RXFP1: variants seen among roughly 807,000 people sequenced by gnomAD.
RXFP1 encodes the protein relaxin receptor 1.
RXFP1 carries 73 observed loss-of-function variants against 89.8 expected under a neutral mutation model. The observed-to-expected ratio is 0.81, with a 90% confidence interval of 0.67 to 0.99. RXFP1 has a LOEUF of 0.99. Ranked by LOEUF, RXFP1 falls within the 50% of genes least tolerant of loss-of-function variation. RXFP1 has a pLI of 0.00. For missense variants in RXFP1, 793 were observed against 895.5 expected, an observed-to-expected ratio of 0.89 and a Z score of 1.46; for synonymous variants, 277 against 305.5, an observed-to-expected ratio of 0.91 and a Z score of 0.97.
At chr4:158,603,018 C>T (rs1761975515) in intron 4 of RXFP1, among the ~76,000 whole-genome samples, 1 of 152,196 alleles carries the variant, frequency 6.6e-6, no homozygotes, top group African/African-American at 2.4e-5. Context: ...GCAGCCTTGA[C>T]CTCTGAGGCT....
intron 1 of RXFP1, among the ~76,000 whole-genome samples, chr4:158,545,454 T>A (rs1748062533): frequency 6.6e-6 from 1 of 152,234 alleles, no homozygotes; most frequent in Non-Finnish European, 1.5e-5. Context: ...TTTAGTTTAA[T>A]TATATCCTGT....
intron 11 of RXFP1, among the ~76,000 whole-genome samples, chr4:158,629,926 G>T (rs1351905634): frequency 2.6e-5 from 4 of 152,092 alleles, no homozygotes; most frequent in Non-Finnish European, 4.4e-5. Flanking sequence ...TGCCCAAGTA[G>T]TATCCATCTT....
At chr4:158,578,848 A>T (rs1055632743) in intron 2 of RXFP1, among the ~76,000 whole-genome samples, 12 of 151,960 alleles carry the variant, frequency 7.9e-5, no homozygotes, top group South Asian at 2.1e-4. Flanking sequence ...TACCAATTCT[A>T]TAACCCATAG....
In RXFP1 at chr4:158,542,106, TATA is replaced by T. The variant is rs1304721400; in HGVS notation, c.49+20082_49+20084del. On this transcript the variant is annotated intron_variant, in intron 1 of 17. Coordinates refer to ENST00000307765, the MANE Select transcript of RXFP1 (RefSeq NM_021634.4). Reference sequence around the variant, plus strand: ...ATATATATATATATATATATATATATATATTTTTTTTTTAGTAGAGACAGGGTT... The same window carrying T: ...ATATATATATATATATATATATATATTTTTTTTTTTAGTAGAGACAGGGTT... Among the ~76,000 whole-genome samples the T allele has an allele frequency of 1.4e-4, 8 of 58,888 alleles. 1 individual carries two copies. The highest frequency in any genetic ancestry group is 4.8e-4 in the Admixed American group (2 of 4,124). The allele number at this position is 58,888 out of a possible 152,430, so 38.6% of individuals were successfully genotyped here.
chr4:158,542,058 T>G (rs1746790528), intron 1 of RXFP1, among the ~76,000 whole-genome samples: 1 of 128,214 alleles, frequency 7.8e-6, no homozygotes, highest in Non-Finnish European at 1.6e-5. Flanking sequence ...TAGCTGGGAC[T>G]ACAGGCAGGC....
chr4:158,650,760 C>A (rs1772546649), intron 17 of RXFP1, among the ~76,000 whole-genome samples: 1 of 151,754 alleles, frequency 6.6e-6, no homozygotes, highest in Admixed American at 6.6e-5. Context: ...TAGAGCAAGA[C>A]TCTATCTCAG....
intron 9 of RXFP1, among the ~76,000 whole-genome samples, chr4:158,620,932 G>T (rs1765504833): frequency 6.6e-6 from 1 of 152,060 alleles, no homozygotes; most frequent in African/African-American, 2.4e-5. Flanking sequence ...ACCAGCCTGG[G>T]CAACATAGTG....
intron 2 of RXFP1, among the ~76,000 whole-genome samples, chr4:158,579,200 T>C (rs1443819877): frequency 6.6e-6 from 1 of 151,908 alleles, no homozygotes; most frequent in Non-Finnish European, 1.5e-5. Flanking sequence ...TCTGAGACGC[T>C]GTGGCCCCAC....
At position 158,572,715 on chromosome 4, in the gene RXFP1, C is replaced by G. The variant is rs746265065; in HGVS notation, c.67C>G (p.Gln23Glu). The change falls in exon 2 of 18, where the codon CAG (glutamine) becomes GAG (glutamate). Residue 23 changes from glutamine to glutamate, a missense_variant. Physicochemically the swap from Gln to Glu is conservative, Grantham distance 29. Coordinates refer to ENST00000307765, the MANE Select transcript of RXFP1 (RefSeq NM_021634.4). ...FGKYFSHGGG[Q>E]DVKCSLGYFP... ...TTCCTCAGTTTCTCATGGGGGTGGA[C>G]AGGATGTCAAGTGCTCCCTTGGCTA... The G allele has an allele frequency of 2.7e-5, 44 of 1,613,994 alleles. No homozygotes were observed. Among genetic ancestry groups the G allele is most frequent in the Admixed American group, 1.7e-4 (10 of 59,996 alleles).
intron 1 of RXFP1, among the ~76,000 whole-genome samples, chr4:158,542,102 TATA>T (rs1403087703): frequency 0.052 from 2,541 of 49,284 alleles, 340 homozygotes; most frequent in Non-Finnish European, 0.08. Flanking sequence ...TATATATATA[TATA>T]TATATTTTTT....
At chr4:158,636,974 A>T (rs528997938) in intron 12 of RXFP1, among the ~76,000 whole-genome samples, 12 of 152,278 alleles carry the variant, frequency 7.9e-5, no homozygotes, top group East Asian at 7.7e-4. Context: ...TAGATTCCAC[A>T]TATAAATGAG....
intron 4 of RXFP1, among the ~76,000 whole-genome samples, chr4:158,601,548 T>C (rs948165899): frequency 6.6e-6 from 1 of 152,224 alleles, no homozygotes; most frequent in Non-Finnish European, 1.5e-5. Flanking sequence ...TTGATTCCAG[T>C]TGTCCATTTA....
At chr4:158,626,772 C>G (rs1766929156) in intron 9 of RXFP1, 48 bp from the exon 10 acceptor site, 1 of 1,143,236 alleles carries the variant, frequency 8.7e-7, no homozygotes. Context: ...CAATTTATTT[C>G]TCTCCATGAT....
intron 1 of RXFP1, among the ~76,000 whole-genome samples, chr4:158,528,098 CA>C (rs1743038396): frequency 6.6e-6 from 1 of 152,144 alleles, no homozygotes; most frequent in Admixed American, 6.5e-5. Context: ...TGTGGAAAAA[CA>C]TTTAAATCAT....
At chr4:158,586,607 C>T (rs1481197585) in intron 2 of RXFP1, among the ~76,000 whole-genome samples, 1 of 152,120 alleles carries the variant, frequency 6.6e-6, no homozygotes, top group Non-Finnish European at 1.5e-5. Context: ...AATATAGAAA[C>T]ACATATACCA....
intron 9 of RXFP1, among the ~76,000 whole-genome samples, chr4:158,618,470 T>C (rs1765005334): frequency 1.3e-5 from 2 of 152,074 alleles, no homozygotes; most frequent in Admixed American, 6.5e-5. Flanking sequence ...AAAATTTTGT[T>C]ACTAAAGTTT....
chr4:158,540,483 T>C (rs750322761), intron 1 of RXFP1, among the ~76,000 whole-genome samples: 4 of 151,840 alleles, frequency 2.6e-5, no homozygotes, highest in African/African-American at 4.8e-5. Flanking sequence ...GTCACCATCT[T>C]GGTTTTGGAA....
intron 1 of RXFP1, among the ~76,000 whole-genome samples, chr4:158,546,084 A>G (rs1748300319): frequency 1.3e-5 from 2 of 152,272 alleles, no homozygotes; most frequent in African/African-American, 2.4e-5. Context: ...ATCCATGAGC[A>G]TGGAATGTTC....
chr4:158,565,887 T>A (rs1753447591), intron 1 of RXFP1, among the ~76,000 whole-genome samples: 1 of 152,236 alleles, frequency 6.6e-6, no homozygotes. Flanking sequence ...TTGTACTACC[T>A]GACAGGTTGA....
Sources: allele counts gnomAD v4.1 joint callset (sites outside exome capture counted in the v4.1 genomes callset), GRCh38; gene constraint gnomAD v4.1.1; transcripts MANE v1.5; gene names NCBI Gene and HGNC (gene_info 2026-07-23, HGNC 2026-07-21).